Variants in PLXNA4 observed in about 807,000 individuals in gnomAD.
The protein encoded by PLXNA4 is plexin A4.
A neutral mutation model predicts 191.8 loss-of-function variants in PLXNA4; 44 were observed. The observed-to-expected ratio is 0.23, with a 90% CI of 0.18 to 0.29. The LOEUF is 0.29. Ranked by LOEUF, PLXNA4 falls within the 10% of genes least tolerant of loss-of-function variation. PLXNA4 has a pLI of 1.00. For synonymous variants in PLXNA4, 1,082 were observed against 1,009.5 expected (o/e 1.07, Z -1.36); for missense variants, 1,800 against 2,488.8 (o/e 0.72, Z 5.89).
chr7:132,210,907 G>A (rs1315619220), intron 10 of PLXNA4, 36 bp downstream of exon 10: 5 of 1,595,632 alleles, frequency 3.1e-6, no homozygotes, highest in Non-Finnish European at 3.4e-6. Flanking sequence ...TGGGACTGGG[G>A]CCTGGTTTGG....
chr7:132,491,504 A>G (rs1797797918), intron 2 of PLXNA4, among the ~76,000 whole-genome samples: 1 of 152,140 alleles, frequency 6.6e-6, no homozygotes, highest in Non-Finnish European at 1.5e-5. Flanking sequence ...AAACGGGGAG[A>G]GCGTGGGCAA....
intron 3 of PLXNA4, chr7:132,485,027 G>A (rs1797498014): frequency 6.2e-7 from 1 of 1,608,006 alleles, no homozygotes; most frequent in Non-Finnish European, 8.5e-7. Flanking sequence ...GGGAACAAAA[G>A]CAAATTAATT....
intron 3 of PLXNA4, among the ~76,000 whole-genome samples, chr7:132,328,138 C>A (rs927522078): frequency 6.6e-6 from 1 of 152,114 alleles, no homozygotes; most frequent in African/African-American, 2.4e-5. Context: ...TGAGTTTCCA[C>A]GTTAAGTGAA....
chr7:132,358,539 A>G (rs1173350232), intron 3 of PLXNA4, among the ~76,000 whole-genome samples: 1 of 152,222 alleles, frequency 6.6e-6, no homozygotes, highest in Non-Finnish European at 1.5e-5. Flanking sequence ...GTAATTAGCC[A>G]TATAGAATCT....
intron 3 of PLXNA4, among the ~76,000 whole-genome samples, chr7:132,336,837 A>T (rs1199389725): frequency 6.6e-6 from 1 of 152,234 alleles, no homozygotes; most frequent in African/African-American, 2.4e-5. Flanking sequence ...TGACCAAAAT[A>T]CACACTCCAT....
intron 3 of PLXNA4, among the ~76,000 whole-genome samples, chr7:132,445,790 G>C (rs1263203360): frequency 6.6e-6 from 1 of 152,186 alleles, no homozygotes; most frequent in Non-Finnish European, 1.5e-5. Context: ...GGGACCGAAG[G>C]GTGCCAGGAA....
chr7:132,200,917 C>A (rs1348618380), intron 12 of PLXNA4, among the ~76,000 whole-genome samples: 2 of 152,196 alleles, frequency 1.3e-5, no homozygotes, highest in Non-Finnish European at 2.9e-5. Context: ...CTGATGATAA[C>A]CCTGGCCTTG....
In PLXNA4 at chr7:132,587,221, T is replaced by C. The variant is rs983800582; in HGVS notation, c.-87+58707A>G. 3.7e-4 allele frequency among the ~76,000 whole-genome samples: 57 copies of C among 152,172 alleles called. 1 individual carries two copies. Among genetic ancestry groups the C allele is most frequent in the African/African-American group, 1.3e-3 (54 of 41,436 alleles). On this transcript the variant is annotated intron_variant, in intron 2 of 4. Transcript: ENST00000378539. ...CAAAGTAACTGGTGATGTTCAGCTT[T>C]GAGAAGTAAGGCTCAAGGGAACATA... is the stretch of plus-strand genomic sequence containing the variant.
chr7:132,179,382 T>TG (rs1796622628), intron 20 of PLXNA4, among the ~76,000 whole-genome samples: 2 of 143,396 alleles, frequency 1.4e-5, no homozygotes, highest in African/African-American at 5.4e-5. Context: ...TGCTTGTACA[T>TG]GAAACATATA....
At chr7:132,223,857 G>T (rs1798225260) in intron 8 of PLXNA4, among the ~76,000 whole-genome samples, 2 of 152,040 alleles carry the variant, frequency 1.3e-5, no homozygotes, top group Non-Finnish European at 2.9e-5. Context: ...ATATGTAGCT[G>T]ACAACCCCGT....
chr7:132,629,733 G>A (rs187243366), intron 2 of PLXNA4, among the ~76,000 whole-genome samples: 51 of 152,298 alleles, frequency 3.3e-4, no homozygotes, highest in African/African-American at 9.9e-4. Flanking sequence ...TCAGCATTCT[G>A]GCCAACTTGA....
chr7:132,207,782 T>C (rs913886424), intron 10 of PLXNA4, among the ~76,000 whole-genome samples: 3 of 152,212 alleles, frequency 2.0e-5, no homozygotes, highest in African/African-American at 7.2e-5. Context: ...ATTTAGGAAA[T>C]GAAAAAATTT....
intron 16 of PLXNA4, among the ~76,000 whole-genome samples, chr7:132,183,768 C>G (rs1027690379): frequency 2.6e-5 from 4 of 152,194 alleles, no homozygotes; most frequent in African/African-American, 9.7e-5. Flanking sequence ...AGGTTTGGGC[C>G]TGATAGAGTA....
At chr7:132,470,180 TAC>T (rs1796880018) in intron 3 of PLXNA4, among the ~76,000 whole-genome samples, 1 of 152,200 alleles carries the variant, frequency 6.6e-6, no homozygotes, top group Non-Finnish European at 1.5e-5. Flanking sequence ...CTGAGAAGTT[TAC>T]AGAGGGCTCC....
chr7:132,442,016 A>G (rs1281050364), intron 3 of PLXNA4, among the ~76,000 whole-genome samples: 1 of 152,216 alleles, frequency 6.6e-6, no homozygotes, highest in Non-Finnish European at 1.5e-5. Flanking sequence ...TCACCAGTTG[A>G]TCAGAGTCAG....
chr7:132,228,258 C>T, intron 6 of PLXNA4, 88 bp downstream of exon 6: 2 of 1,565,978 alleles, frequency 1.3e-6, no homozygotes, highest in Non-Finnish European at 1.7e-6. Flanking sequence ...CCCAGTCCTC[C>T]AGAGGGGCCT....
intron 4 of PLXNA4, among the ~76,000 whole-genome samples, chr7:132,272,345 C>G (rs960188628): frequency 6.6e-6 from 1 of 152,216 alleles, no homozygotes; most frequent in African/African-American, 2.4e-5. Context: ...TTCTCAGTTT[C>G]TCATCTGTAA....
At chr7:132,146,454 T>C (rs903901797) in intron 28 of PLXNA4, 56 bp downstream of exon 28, 1 of 1,613,916 alleles carries the variant, frequency 6.2e-7, no homozygotes, top group Non-Finnish European at 8.5e-7. Flanking sequence ...TGTGGGCTGA[T>C]GAAGTCCCTC....
upstream of PLXNA4, among the ~76,000 whole-genome samples, chr7:132,579,053 G>A (rs1802349682): frequency 6.6e-6 from 1 of 152,158 alleles, no homozygotes; most frequent in South Asian, 2.1e-4. Context: ...GCCGGGCACT[G>A]AGGATACAAA....
Sources: gnomAD v4.1 joint callset for allele counts (sites outside exome capture counted in the v4.1 genomes callset) on GRCh38, gnomAD v4.1.1 for gene constraint, MANE v1.5 for transcripts, NCBI Gene and HGNC (gene_info 2026-07-23, HGNC 2026-07-21) for gene names.